Variants in OLFML2B observed in about 807,000 individuals in gnomAD.
The protein encoded by OLFML2B is olfactomedin like 2B.
In OLFML2B, 57 loss-of-function variants were observed where a neutral mutation model predicts 74.9. The observed-to-expected ratio is 0.76, with a 90% CI of 0.61 to 0.95. The LOEUF is 0.95. OLFML2B is among the 40% of genes least tolerant of loss of function. The pLI is 0.00. For synonymous variants in OLFML2B, 388 were observed against 405.8 expected (o/e 0.96, Z 0.53); for missense variants, 986 against 970.6 (o/e 1.02, Z -0.21).
Position 161,984,897 on chromosome 1 carries a change from C to T in OLFML2B, c.1558G>A (p.Asp520Asn). Residue 520 changes from aspartate to asparagine, a missense_variant, in exon 7 of 8, where the codon GAC becomes AAC. Asp to Asn is a conservative substitution (Grantham distance 23). Transcript: ENST00000294794. The part of the protein sequence containing the change: ...YGRNEGAWMK[D>N]PLAKDERIYV... ...ATCCGCTCATCCTTGGCCAGGGGGT[C>T]CTTCATCCAGGCCCCTTCATTCCGC... 1 of 1,611,686 alleles carries T rather than the reference C, an allele frequency of 6.2e-7. No individual in the cohort carries two copies. Among genetic ancestry groups the T allele is most frequent in the East Asian group, 2.2e-5 (1 of 44,764 alleles).
intron 3 of OLFML2B, among the ~76,000 whole-genome samples, chr1:162,010,210 G>A (rs1690340256): frequency 6.6e-6 from 1 of 152,218 alleles, no homozygotes; most frequent in African/African-American, 2.4e-5. Context: ...TGGGAACGTT[G>A]TCATCATGAT....
chr1:162,008,779 C>T (rs1170356360), intron 3 of OLFML2B, among the ~76,000 whole-genome samples: 2 of 152,154 alleles, frequency 1.3e-5, no homozygotes, highest in Non-Finnish European at 2.9e-5. Context: ...TGAGAAGCAC[C>T]GCCCTAAGTG....
chr1:161,989,642 G>A (rs139203967), intron 6 of OLFML2B, among the ~76,000 whole-genome samples: 49 of 152,300 alleles, frequency 3.2e-4, no homozygotes, highest in Non-Finnish European at 6.6e-4. Flanking sequence ...ATGATCTGCT[G>A]TCACCATCTT....
At chr1:161,990,236 T>A (rs1164130921) in intron 6 of OLFML2B, among the ~76,000 whole-genome samples, 1 of 152,170 alleles carries the variant, frequency 6.6e-6, no homozygotes, top group Non-Finnish European at 1.5e-5. Flanking sequence ...ATGAAATGAG[T>A]CATTTTGGTG....
intron 6 of OLFML2B, among the ~76,000 whole-genome samples, chr1:161,986,859 C>T (rs1558052627): frequency 1.3e-5 from 2 of 152,264 alleles, no homozygotes; most frequent in South Asian, 4.1e-4. Flanking sequence ...CTCATGCCCT[C>T]AAGCCCCACA....
intron 2 of OLFML2B, among the ~76,000 whole-genome samples, chr1:162,017,735 G>C (rs1330718472): frequency 1.3e-5 from 2 of 152,210 alleles, no homozygotes; most frequent in African/African-American, 4.8e-5. Flanking sequence ...AGTCCTACAA[G>C]AACAAGTAAA....
At position 161,997,428 on chromosome 1, in the gene OLFML2B, C is replaced by A. The variant is rs138430342; in HGVS notation, c.1474+397G>T. Among the ~76,000 whole-genome samples the A allele has an allele frequency of 1.6e-3, 249 of 152,228 alleles. 2 individuals are homozygous for A. Among genetic ancestry groups the A allele is most frequent in the African/African-American group, 5.6e-3 (234 of 41,520 alleles). ...CACTCTACTACAAATCTGAGACTTTCCCCCCAGTAAAAACCCTTTGTTCTT... is the reference window on the plus strand; with the variant it reads ...CACTCTACTACAAATCTGAGACTTTACCCCCAGTAAAAACCCTTTGTTCTT... On this transcript the variant is annotated intron_variant, in intron 6 of 7. Transcript: ENST00000294794.
At chr1:161,985,974 A>C (rs2101944096) in intron 6 of OLFML2B, among the ~76,000 whole-genome samples, 1 of 152,326 alleles carries the variant, frequency 6.6e-6, no homozygotes, top group East Asian at 1.9e-4. Flanking sequence ...TATATGCAGT[A>C]TTATTATTGA....
In OLFML2B at chr1:161,997,950, A is replaced by G; in HGVS notation, c.1349T>C (p.Val450Ala). ...TCTGACTGTGGTGGGAGGCACTGGG[A>G]CTGTGTGCATAGCTTCCATCAATGC... is the stretch of plus-strand genomic sequence containing the variant. ...REALMEAMHT[V>A]PVPPTTVRTD... is the part of the protein sequence containing the mutation. Residue 450 changes from valine (V) to alanine (A), a missense_variant, in exon 6 of 8, where the codon GTC becomes GCC. Physicochemically the swap from Val to Ala is moderately conservative, Grantham distance 64. Transcript: ENST00000294794. 6.2e-7 allele frequency: 1 copy of G among 1,614,132 alleles called. No homozygotes were observed. Among genetic ancestry groups the G allele is most frequent in the Non-Finnish European group, 8.5e-7 (1 of 1,180,022 alleles).
At position 162,006,318 on chromosome 1, in the gene OLFML2B, T is replaced by A. The variant is rs139906358; in HGVS notation, c.702A>T (p.Ala234=). Residue 234 remains alanine, a synonymous_variant, in exon 4 of 8, where the codon GCA becomes GCT. Coordinates refer to ENST00000294794, the MANE Select transcript of OLFML2B (RefSeq NM_015441.3). ...ATACCTCTGGGTGGGCGTAGGCTGC[T>A]GCTGCATCCCTCTGCAGGGCTGAGC... The part of the protein sequence containing the change: ...DIRSALQRDA[A]AAYAHPEYEE... 23 of 1,599,806 alleles carry A rather than the reference T, an allele frequency of 1.4e-5. No individual in the cohort carries two copies. The highest frequency in any genetic ancestry group is 2.0e-5 in the Non-Finnish European group (23 of 1,175,134).
At chr1:162,006,034 ATCT>A (rs1391491983) in intron 4 of OLFML2B, among the ~76,000 whole-genome samples, 2 of 152,046 alleles carry the variant, frequency 1.3e-5, no homozygotes, top group Non-Finnish European at 2.9e-5. Context: ...GGGATATCAG[ATCT>A]TGAAAAAAAT....
chr1:161,998,030 G>T lies in OLFML2B; in HGVS notation c.1269C>A (p.His423Gln). 6.2e-7 allele frequency: 1 copy of T among 1,614,148 alleles called. No homozygotes were observed. The highest frequency in any genetic ancestry group is 8.5e-7 in the Non-Finnish European group (1 of 1,180,018). The part of the protein sequence containing the change: ...SPQVPATTVA[H>Q]TATQQPAAPA... ...GGGCTGCTGGTTGCTGGGTGGCTGT[G>T]TGGGCCACAGTGGTGGCTGGTACCT... Residue 423 changes from histidine (H) to glutamine (Q), a missense_variant, in exon 6 of 8, where the codon CAC (histidine) becomes CAA (glutamine). His to Gln is a conservative substitution (Grantham distance 24). Transcript: ENST00000294794.
chr1:161,984,964 A>G lies in OLFML2B; in HGVS notation c.1491T>C (p.Thr497=). Residue 497 remains threonine (T), a synonymous_variant, in exon 7 of 8, where the codon ACT becomes ACC. Coordinates refer to ENST00000294794, the MANE Select transcript of OLFML2B (RefSeq NM_015441.3). ...TGGTCGGCCCCGTGATTGTGGAGAGAGTGTCCTTGCACCTTCCTGGTGGAG... is the reference window on the plus strand; with the variant it reads ...TGGTCGGCCCCGTGATTGTGGAGAGGGTGTCCTTGCACCTTCCTGGTGGAG... ...IRNVIGRCKD[T]LSTITGPTTQ... 2 of 1,602,458 alleles carry G rather than the reference A, an allele frequency of 1.2e-6. No homozygotes were observed. The highest frequency in any genetic ancestry group is 1.7e-6 in the Non-Finnish European group (2 of 1,175,752).
intron 3 of OLFML2B, among the ~76,000 whole-genome samples, chr1:162,009,304 G>T (rs1376814146): frequency 6.6e-6 from 1 of 152,194 alleles, no homozygotes; most frequent in African/African-American, 2.4e-5. Flanking sequence ...CCCAGCTCTG[G>T]CCCTAGGACT....
At position 162,006,441 on chromosome 1, in the gene OLFML2B, T is replaced by C. The variant is rs374100255; in HGVS notation, c.579A>G (p.Glu193=). 52 of 1,600,584 alleles carry C rather than the reference T, an allele frequency of 3.2e-5. No individual in the cohort carries two copies. The highest frequency in any genetic ancestry group is 1.6e-4 in the Admixed American group (9 of 56,328). ...TTTCTTCCATGTCCTCTTTGATTTG[T>C]TCATTTTCCTTGGTGAGGTTTTTAG... ...EVSKNLTKEN[E]QIKEDMEEIR... is the part of the protein sequence containing the mutation. Residue 193 remains glutamate (E), a synonymous_variant, in exon 4 of 8, where the codon GAA becomes GAG. Coordinates refer to ENST00000294794, the MANE Select transcript of OLFML2B (RefSeq NM_015441.3).
chr1:162,021,057 C>T (rs1690690774), intron 1 of OLFML2B, among the ~76,000 whole-genome samples: 1 of 152,146 alleles, frequency 6.6e-6, no homozygotes, highest in Non-Finnish European at 1.5e-5. Flanking sequence ...GTGATAAGTG[C>T]CCCCGAAGAG....
intron 3 of OLFML2B, among the ~76,000 whole-genome samples, chr1:162,010,579 G>A (rs1272257854): frequency 2.0e-5 from 3 of 152,172 alleles, no homozygotes; most frequent in Non-Finnish European, 4.4e-5. Flanking sequence ...GACACAGACC[G>A]TATCCTGACC....
rs1690797033 is a variant in OLFML2B at position 162,023,582 on chromosome 1, G to A, written c.-152C>T. On this transcript the variant is annotated 5_prime_UTR_variant, in exon 1 of 8. Coordinates refer to ENST00000294794, the MANE Select transcript of OLFML2B (RefSeq NM_015441.3). ...AGCTGGGTGCGGCTGAGCGGGACGG[G>A]AGGGTGCGCCCCAGAGACTCTGGGC... The A allele has an allele frequency of 5.9e-6, 4 of 680,464 alleles. 1 individual carries two copies. In the Middle Eastern group the frequency reaches 1.3e-3, roughly 222 times the overall value. The allele number at this position is 680,464 out of a possible 1,614,324, so 42.2% of individuals were successfully genotyped here. A position where few individuals can be genotyped will look rare whatever the true frequency, so the allele number is the denominator to read the frequency against.
intron 2 of OLFML2B, among the ~76,000 whole-genome samples, chr1:162,018,877 A>G (rs1219633895): frequency 6.6e-6 from 1 of 152,174 alleles, no homozygotes; most frequent in Admixed American, 6.5e-5. Context: ...GAAGCCATAA[A>G]AAGATAGCTG....
Sources: allele counts gnomAD v4.1 joint callset (sites outside exome capture counted in the v4.1 genomes callset), GRCh38; gene constraint gnomAD v4.1.1; transcripts MANE v1.5; gene names NCBI Gene and HGNC (gene_info 2026-07-23, HGNC 2026-07-21).